EPRS1: variants seen among roughly 807,000 people sequenced by gnomAD.
EPRS1 encodes bifunctional glutamate/proline--tRNA ligase.
EPRS1 carries 107 observed loss-of-function variants against 188.3 expected under a neutral mutation model. The observed-to-expected ratio is 0.57, with a 90% CI of 0.49 to 0.67. EPRS1 has a LOEUF of 0.67. Among genes scored for constraint, EPRS1 ranks in the 30% least tolerant of loss-of-function variants. EPRS1 has a pLI of 0.00. For missense variants in EPRS1, 1,577 were observed against 1,802.2 expected, an observed-to-expected ratio of 0.88 and a Z score of 2.26; for synonymous variants, 596 against 593.1, an observed-to-expected ratio of 1.00 and a Z score of -0.07.
chr1:219,985,011 T>C (rs1571660727), intron 20 of EPRS1, among the ~76,000 whole-genome samples: 1 of 140,060 alleles, frequency 7.1e-6, no homozygotes. Flanking sequence ...GCCATTGCAC[T>C]CCAGCCTGGG....
intron 17 of EPRS1, among the ~76,000 whole-genome samples, chr1:219,997,962 C>A (rs1661268681): frequency 6.6e-6 from 1 of 152,034 alleles, no homozygotes; most frequent in South Asian, 2.1e-4. Flanking sequence ...TATAAATTTA[C>A]AGGTATCTAT....
rs117101042 is a variant in EPRS1 at position 219,980,061 on chromosome 1, G to A, written c.3711+24C>T. 6,338 of 1,608,518 alleles carry A rather than the reference G, an allele frequency of 3.9e-3. 129 individuals are homozygous for A. In the East Asian group the frequency reaches 0.06, roughly 15 times the overall value. ...ATGGACTGTGCTTACAGTGACCTAC[G>A]AATCCTGTGTGGCAGTTTGATACCT... On this transcript the variant is annotated intron_variant, in intron 26 of 31. Transcript: ENST00000366923.
intron 1 of EPRS1, among the ~76,000 whole-genome samples, chr1:220,042,452 C>A (rs1160044831): frequency 1.3e-5 from 2 of 149,706 alleles, no homozygotes; most frequent in African/African-American, 4.9e-5. Context: ...CCACTGCAGT[C>A]CAGCCTGAGC....
chr1:220,043,231 T>C (rs1415149967), intron 1 of EPRS1, among the ~76,000 whole-genome samples: 1 of 144,560 alleles, frequency 6.9e-6, no homozygotes, highest in African/African-American at 2.6e-5. Flanking sequence ...ATTTGTCACA[T>C]TGTACACATT....
chr1:220,022,524 A>C lies in EPRS1; in HGVS notation c.944-6T>G, dbSNP rs41304101. The stretch of plus-strand genomic sequence containing the variant: ...TTGTAGATTCTTCTCAATAGCTATA[A>C]AATGATAATTACATTACGGTTCACT... On this transcript the variant is annotated splice_region_variant and splice_polypyrimidine_tract_variant and intron_variant, in intron 8 of 31. Coordinates refer to ENST00000366923, the MANE Select transcript of EPRS1 (RefSeq NM_004446.3). 6.2e-7 allele frequency: 1 copy of C among 1,603,442 alleles called. No individual in the cohort carries two copies. The highest frequency in any genetic ancestry group is 8.5e-7 in the Non-Finnish European group (1 of 1,172,322).
Position 220,006,271 on chromosome 1 carries a change from A to T in EPRS1, c.1785T>A (p.Asn595Lys), listed in dbSNP as rs758037074. The change falls in exon 15 of 32, where the codon AAT becomes AAA. Residue 595 changes from asparagine to lysine, a missense_variant. Coordinates refer to ENST00000366923, the MANE Select transcript of EPRS1 (RefSeq NM_004446.3). ...GKIISLDAKL[N>K]LENKDYKKTT... The stretch of plus-strand genomic sequence containing the variant: ...TTTTCTTGTAGTCTTTGTTTTCCAA[A>T]TTCAACTTTGCATCAAGAGATATGA... 6.3e-7 allele frequency: 1 copy of T among 1,588,450 alleles called. No individual in the cohort carries two copies. The highest frequency in any genetic ancestry group is 8.6e-7 in the Non-Finnish European group (1 of 1,165,916).
In EPRS1 at chr1:220,040,212, C is replaced by G; in HGVS notation, c.104G>C (p.Gly35Ala). 1.9e-6 allele frequency: 3 copies of G among 1,606,262 alleles called. No homozygotes were observed. The highest frequency in any genetic ancestry group is 2.6e-6 in the Non-Finnish European group (3 of 1,173,402). ...KDDVSISVEE[G>A]KENILHVSEN... ...AGAAACATGAAGAATATTCTCTTTC[C>G]CTTCTTCAACGGAAATGCTGACATC... Residue 35 changes from glycine to alanine, a missense_variant, in exon 2 of 32, where the codon GGG becomes GCG. Coordinates refer to ENST00000366923, the MANE Select transcript of EPRS1 (RefSeq NM_004446.3).
chr1:220,027,188 G>T (rs1478580285), intron 6 of EPRS1, among the ~76,000 whole-genome samples: 1 of 152,074 alleles, frequency 6.6e-6, no homozygotes, highest in African/African-American at 2.4e-5. Context: ...ACTTTGGGAG[G>T]TCGAGGCAGG....
chr1:220,015,062 G>T (rs10779395), intron 12 of EPRS1, among the ~76,000 whole-genome samples: 122,007 of 152,144 alleles, frequency 0.8, 49,085 homozygotes, highest in East Asian at 0.93. Context: ...TAAACTAAAA[G>T]ACAAGAAGGA....
At chr1:219,980,624 C>T (rs578128558) in intron 25 of EPRS1, 132 bp downstream of exon 25, 1 of 613,694 alleles carries the variant, frequency 1.6e-6, no homozygotes, top group East Asian at 2.8e-5. Context: ...TAAGCAGTTA[C>T]TTAAATCCAT....
rs10638364 is a variant in EPRS1, at chr1:219,998,547, A to ATTTT, written c.2182-1209_2182-1206dup. 6.0e-3 allele frequency among the ~76,000 whole-genome samples: 864 copies of ATTTT among 142,922 alleles called. 20 individuals carry two copies. Among genetic ancestry groups the ATTTT allele is most frequent in the Middle Eastern group, 0.015 (4 of 270 alleles). The allele number at this position is 142,922 out of a possible 152,430, so 93.8% of individuals were successfully genotyped here. On this transcript the variant is annotated intron_variant, in intron 17 of 31. Coordinates refer to ENST00000366923, the MANE Select transcript of EPRS1 (RefSeq NM_004446.3). Reference sequence around the variant, plus strand: ...CAAAAATATATATTTGTTCAGCTACATTTTTTTTTTTTTTGAGACAGTGTC... The same window carrying ATTTT: ...CAAAAATATATATTTGTTCAGCTACATTTTTTTTTTTTTTTTTTGAGACAGTGTC...
chr1:220,005,297 G>A lies in EPRS1; in HGVS notation c.2014C>T (p.Leu672Phe). ...CATATGAAGAATCCTCTTCTCTGGA[G>A]TTGTATAATATCTCCTTTTTTCAAA... ...KDLKKGDIIQ[L>F]QRRGFFICDQ... Residue 672 changes from leucine to phenylalanine, a missense_variant, in exon 16 of 32, where the codon CTC (leucine) becomes TTC (phenylalanine). By Grantham distance (22) the Leu-to-Phe change is conservative. This residue lies in a region of EPRS1 where 1,278 missense variants were observed against 1,457.4 expected (regional missense o/e 0.88). Coordinates refer to ENST00000366923, the MANE Select transcript of EPRS1 (RefSeq NM_004446.3). 6.3e-7 allele frequency: 1 copy of A among 1,598,228 alleles called. No individual in the cohort carries two copies. The highest frequency in any genetic ancestry group is 1.1e-5 in the South Asian group (1 of 87,586).
At chr1:220,042,779 G>A (rs1662323075) in intron 1 of EPRS1, among the ~76,000 whole-genome samples, 1 of 151,896 alleles carries the variant, frequency 6.6e-6, no homozygotes, top group Non-Finnish European at 1.5e-5. Flanking sequence ...AAATTAGCTG[G>A]GCGTGGTGGC....
chr1:220,024,565 T>C (rs1476752536), intron 7 of EPRS1, 109 bp from the exon 8 acceptor site: 1 of 678,382 alleles, frequency 1.5e-6, no homozygotes, highest in African/African-American at 1.8e-5. Context: ...ATCAGTCTTA[T>C]TTAGCCTGAA....
chr1:219,972,576 T>A (rs1351415821), intron 29 of EPRS1, among the ~76,000 whole-genome samples: 1 of 152,212 alleles, frequency 6.6e-6, no homozygotes, highest in Non-Finnish European at 1.5e-5. Flanking sequence ...TCTCCCAAAC[T>A]GCACCTCCAT....
intron 17 of EPRS1, among the ~76,000 whole-genome samples, chr1:220,000,198 C>G (rs548183144): frequency 2.0e-5 from 3 of 152,136 alleles, no homozygotes; most frequent in Non-Finnish European, 2.9e-5. Context: ...AGTTATCTTT[C>G]TAGGATATGT....
intron 2 of EPRS1, among the ~76,000 whole-genome samples, chr1:220,038,999 T>A (rs902618819): frequency 2.0e-5 from 3 of 152,114 alleles, no homozygotes; most frequent in Non-Finnish European, 4.4e-5. Flanking sequence ...GGAAAGATGC[T>A]TTCTTGGCCA....
intron 1 of EPRS1, among the ~76,000 whole-genome samples, chr1:220,042,243 G>C (rs1005242599): frequency 1.6e-4 from 24 of 151,806 alleles, no homozygotes; most frequent in Admixed American, 1.2e-3. Context: ...AGTACTTTGG[G>C]AGACTGAGGC....
intron 30 of EPRS1, among the ~76,000 whole-genome samples, chr1:219,970,851 G>A (rs1049800117): frequency 6.7e-6 from 1 of 149,848 alleles, no homozygotes; most frequent in African/African-American, 2.5e-5. Flanking sequence ...AATTACAAAA[G>A]CAATAACCCA....
Sources: gnomAD v4.1 joint callset for allele counts (sites outside exome capture counted in the v4.1 genomes callset) on GRCh38, gnomAD v4.1.1 for gene constraint, gnomAD v4.1.1 regional missense constraint, MANE v1.5 for transcripts, NCBI Gene and HGNC (gene_info 2026-07-23, HGNC 2026-07-21) for gene names.